Variants in FARSB observed in about 807,000 individuals in gnomAD.
The protein encoded by FARSB is phenylalanine--tRNA ligase beta subunit.
In FARSB, 40 loss-of-function variants were observed where a neutral mutation model predicts 69.6. The ratio of observed to expected loss-of-function variants is 0.57; its 90% CI spans 0.45 to 0.75. The LOEUF is 0.75. FARSB is among the 30% of genes least tolerant of loss of function. The pLI is 0.00. For missense variants in FARSB, 632 were observed against 722.9 expected (o/e 0.87, Z 1.44); for synonymous variants, 235 against 247.2 (o/e 0.95, Z 0.46).
At position 222,628,775 on chromosome 2, in the gene FARSB, C is replaced by G. The variant is rs541991806; in HGVS notation, c.900+62G>C. 3 of 1,131,074 alleles carry G rather than the reference C, an allele frequency of 2.7e-6. No individual in the cohort carries two copies. In the African/African-American group the frequency reaches 4.6e-5, roughly 17 times the overall value. 70.1% of individuals were successfully genotyped at this position (1,131,074 alleles called of 1,614,324 possible). A position where few individuals can be genotyped will look rare whatever the true frequency, so the allele number is the denominator to read the frequency against. Reference sequence around the variant, plus strand: ...TGGATAGACAGACAGAACATGAGTGCTCTATAGCCATTATTATTAGCATTG... The same window carrying G: ...TGGATAGACAGACAGAACATGAGTGGTCTATAGCCATTATTATTAGCATTG... On this transcript the variant is annotated intron_variant, in intron 10 of 16. Transcript: ENST00000281828.
intron 14 of FARSB, among the ~76,000 whole-genome samples, chr2:222,615,064 C>T (rs1690961755): frequency 6.6e-6 from 1 of 152,016 alleles, no homozygotes. Context: ...TTTCATTCTT[C>T]CTATTCCTAA....
At chr2:222,633,947 T>C (rs994400685) in intron 6 of FARSB, among the ~76,000 whole-genome samples, 11 of 152,200 alleles carry the variant, frequency 7.2e-5, no homozygotes, top group Admixed American at 1.3e-4. Context: ...ATGACCCTGC[T>C]TTTTCTAAAC....
rs33937937 is a variant in FARSB at position 222,594,093 on chromosome 2, CAAAAAAAAAAA to C, written c.1618+5824_1618+5834del. On this transcript the variant is annotated intron_variant, in intron 16 of 16. Coordinates refer to ENST00000281828, the MANE Select transcript of FARSB (RefSeq NM_005687.5). ...GTGACAAGGCAAAAACCCGCCTCTA[CAAAAAAAAAAA>C]AAAAAAAAAAAAAAAGAGCTGAGCA... 6.6e-4 allele frequency among the ~76,000 whole-genome samples: 34 copies of C among 51,574 alleles called. No homozygotes were observed. The Admixed American group carries it at 6.7e-3, about 10-fold the overall frequency. The allele number at this position is 51,574 out of a possible 152,430, so 33.8% of individuals were successfully genotyped here.
intron 16 of FARSB, among the ~76,000 whole-genome samples, chr2:222,582,976 T>G (rs1408113013): frequency 6.7e-6 from 1 of 148,874 alleles, no homozygotes; most frequent in East Asian, 1.9e-4. Flanking sequence ...GGAACCAAGA[T>G]TCTCACTAAA....
At chr2:222,598,562 A>C (rs1205932995) in intron 16 of FARSB, among the ~76,000 whole-genome samples, 1 of 152,198 alleles carries the variant, frequency 6.6e-6, no homozygotes, top group Non-Finnish European at 1.5e-5. Flanking sequence ...ATTTCTGAGA[A>C]GATTGTGCAT....
At chr2:222,614,742 A>G in intron 14 of FARSB, among the ~76,000 whole-genome samples, 1 of 152,166 alleles carries the variant, frequency 6.6e-6, no homozygotes, top group East Asian at 1.9e-4. Context: ...CGGGAGGCTG[A>G]GGTGGAGAAT....
At chr2:222,618,592 T>C (rs560925900) in intron 14 of FARSB, among the ~76,000 whole-genome samples, 11 of 152,336 alleles carry the variant, frequency 7.2e-5, no homozygotes, top group African/African-American at 2.2e-4. Context: ...AAAGATGTTA[T>C]AATCTTAAAA....
At chr2:222,627,544 A>C (rs1691310029) in intron 10 of FARSB, among the ~76,000 whole-genome samples, 1 of 152,224 alleles carries the variant, frequency 6.6e-6, no homozygotes, top group Non-Finnish European at 1.5e-5. Flanking sequence ...ATTGACCAAA[A>C]GAATCATGAG....
chr2:222,592,233 G>A lies in FARSB; in HGVS notation c.1618+7695C>T, dbSNP rs142123256. Among the ~76,000 whole-genome samples the A allele has an allele frequency of 3.1e-3, 478 of 152,232 alleles. 11 individuals carry two copies. Among genetic ancestry groups the A allele is most frequent in the Admixed American group, 0.028 (433 of 15,280 alleles). On this transcript the variant is annotated intron_variant, in intron 16 of 16. Coordinates refer to ENST00000281828, the MANE Select transcript of FARSB (RefSeq NM_005687.5). ...TTATTTTTTGTGGTCATGTGCTCAG[G>A]AGATCACTCCACATTACCATCCCTA...
chr2:222,571,610 C>T lies in FARSB; in HGVS notation c.*261G>A, dbSNP rs1251966659. ...TCTGCCTTTCAGAACAGATCCTGCA[C>T]TCTGCTAGTGCATTTCTCCAGCACT... On this transcript the variant is annotated 3_prime_UTR_variant, in exon 17 of 17. Coordinates refer to ENST00000281828, the MANE Select transcript of FARSB (RefSeq NM_005687.5). 1.5e-5 allele frequency: 5 copies of T among 332,384 alleles called. No homozygotes were observed. The highest frequency in any genetic ancestry group is 1.4e-4 in the Admixed American group (3 of 21,348). The allele number at this position is 332,384 out of a possible 1,614,324, so 20.6% of individuals were successfully genotyped here. A position where few individuals can be genotyped will look rare whatever the true frequency, so the allele number is the denominator to read the frequency against.
chr2:222,572,098 C>T, intron 16 of FARSB, 76 bp from the exon 17 acceptor site: 1 of 1,228,698 alleles, frequency 8.1e-7, no homozygotes, highest in Non-Finnish European at 1.1e-6. Context: ...ACTAAAAGCC[C>T]ACTAGTCTAC....
chr2:222,648,701 A>G, intron 2 of FARSB, 39 bp downstream of exon 2: 1 of 1,268,000 alleles, frequency 7.9e-7, no homozygotes, highest in Non-Finnish European at 1.2e-6. Flanking sequence ...AAGCTTATGC[A>G]CACAATCTTT....
intron 9 of FARSB, among the ~76,000 whole-genome samples, chr2:222,629,555 A>G (rs1169242269): frequency 6.6e-6 from 1 of 152,166 alleles, no homozygotes; most frequent in Non-Finnish European, 1.5e-5. Flanking sequence ...CATTGCCTCC[A>G]TGAAGCCTTC....
Position 222,634,496 on chromosome 2 carries a change from CAA to C in FARSB, c.499_500del (p.Leu167ValfsTer21). On this transcript the variant is annotated frameshift_variant, in exon 6 of 17. Coordinates refer to ENST00000281828, the MANE Select transcript of FARSB (RefSeq NM_005687.5). LOFTEE classifies it high-confidence loss of function. ...TTGCAGTATAAGTAAATGGGCCCGA[CAA>C]AGTGTCCAAATCATGGGTACCAATG... ...VAIGTHDLDT[L>X]SGPFTYTAKR... 6 of 1,613,224 alleles carry C rather than the reference CAA, an allele frequency of 3.7e-6. No homozygotes were observed. The highest frequency in any genetic ancestry group is 5.1e-6 in the Non-Finnish European group (6 of 1,179,508).
rs564800707 is a variant in FARSB at position 222,655,209 on chromosome 2, A to T, written c.58+807T>A. Among the ~76,000 whole-genome samples the T allele has an allele frequency of 7.2e-5, 11 of 152,244 alleles. 1 individual carries two copies. The highest frequency in any genetic ancestry group is 2.0e-4 in the Admixed American group (3 of 15,302). ...CCGTCTCAAAAAATAAAAATAAAAAAAAAAATAGGGTGGGGCAGCTGCTAC... is the reference window on the plus strand; with the variant it reads ...CCGTCTCAAAAAATAAAAATAAAAATAAAAATAGGGTGGGGCAGCTGCTAC... On this transcript the variant is annotated intron_variant, in intron 1 of 16. Transcript: ENST00000281828.
chr2:222,585,454 G>T (rs906193850), intron 16 of FARSB, among the ~76,000 whole-genome samples: 9 of 152,230 alleles, frequency 5.9e-5, no homozygotes, highest in Non-Finnish European at 1.3e-4. Flanking sequence ...AAAAATCAGA[G>T]CACCTCTTCT....
At chr2:222,572,824 C>T (rs981730506) in intron 16 of FARSB, among the ~76,000 whole-genome samples, 3 of 152,170 alleles carry the variant, frequency 2.0e-5, no homozygotes, top group African/African-American at 7.2e-5. Context: ...TGGGCCCACT[C>T]CATATTCATG....
chr2:222,624,810 C>A, intron 10 of FARSB, 35 bp from the exon 11 acceptor site: 1 of 1,313,018 alleles, frequency 7.6e-7, no homozygotes. Context: ...TAAATCATTT[C>A]CCATCAGATA....
intron 15 of FARSB, among the ~76,000 whole-genome samples, chr2:222,602,353 A>G (rs1690584523): frequency 6.6e-6 from 1 of 152,186 alleles, no homozygotes; most frequent in Non-Finnish European, 1.5e-5. Flanking sequence ...TAAAAAAAAT[A>G]CCAATAGAAT....
Sources: allele counts gnomAD v4.1 joint callset (sites outside exome capture counted in the v4.1 genomes callset), GRCh38; gene constraint gnomAD v4.1.1; transcripts MANE v1.5; gene names NCBI Gene and HGNC (gene_info 2026-07-23, HGNC 2026-07-21).